PHACTR2: variants seen among roughly 807,000 people sequenced by gnomAD.
PHACTR2 encodes the protein phosphatase and actin regulator 2, also known as chromosome 6 open reading frame 56.
A neutral mutation model predicts 76.0 loss-of-function variants in PHACTR2; 30 were observed. The observed-to-expected ratio is 0.39, with a 90% CI of 0.30 to 0.54. The LOEUF (loss-of-function observed/expected upper bound fraction) is 0.54. Ranked by LOEUF, PHACTR2 falls within the 20% of genes least tolerant of loss-of-function variation. The pLI is 0.61. For missense variants in PHACTR2, 696 were observed against 781.1 expected (o/e 0.89, Z 1.30); for synonymous variants, 292 against 292.5 (o/e 1.00, Z 0.02).
intron 1 of PHACTR2, among the ~76,000 whole-genome samples, chr6:143,587,214 T>A (rs1295429708): frequency 6.6e-6 from 1 of 152,236 alleles, no homozygotes; most frequent in Non-Finnish European, 1.5e-5. Flanking sequence ...ATCAGAATCA[T>A]CTGAATCATC....
rs1028663666 is a variant in PHACTR2, at chr6:143,583,751, T to A, written c.217+46544T>A. Among the ~76,000 whole-genome samples the A allele has an allele frequency of 2.0e-5, 3 of 152,268 alleles. No homozygotes were observed. Among genetic ancestry groups the A allele is most frequent in the Non-Finnish European group, 4.4e-5 (3 of 68,042 alleles). Reference sequence around the variant, plus strand: ...GCTCACTACATGCTAGATGCCAGACTATCATTTGTTGATTGGTTGATTCAT... The same window carrying A: ...GCTCACTACATGCTAGATGCCAGACAATCATTTGTTGATTGGTTGATTCAT... On this transcript the variant is annotated intron_variant, in intron 1 of 11. Coordinates refer to the PHACTR2 transcript ENST00000367584. This position sits in a 1 kb window ranked among gnomAD's most constrained non-coding sequence, Gnocchi z 4.0.
intron 11 of PHACTR2, among the ~76,000 whole-genome samples, chr6:143,798,999 G>C (rs1775893313): frequency 6.6e-6 from 1 of 152,166 alleles, no homozygotes; most frequent in Admixed American, 6.5e-5. Context: ...GAATTTGGCT[G>C]TGAATCCGTC....
chr6:143,825,420 G>A lies in PHACTR2; in HGVS notation c.*1731G>A, dbSNP rs1776512406. 6.6e-6 allele frequency: 1 copy of A among 152,186 alleles called. No homozygotes were observed. Among genetic ancestry groups the A allele is most frequent in the African/African-American group, 2.4e-5 (1 of 41,444 alleles). The allele number at this position is 152,186 out of a possible 1,614,324, so 9.4% of individuals were successfully genotyped here. A position where few individuals can be genotyped will look rare whatever the true frequency, so the allele number is the denominator to read the frequency against. ...CAGGACCATGTTAGAATTAGGAAAA[G>A]TAACCAGCATTACTGCACCTCTTGT... is the stretch of plus-strand genomic sequence containing the variant. On this transcript the variant is annotated 3_prime_UTR_variant, in exon 13 of 13. Transcript: ENST00000440869. This position sits in a 1 kb window ranked among gnomAD's most constrained non-coding sequence, Gnocchi z 4.1.
At chr6:143,682,756 A>AC (rs1360735789) in intron 1 of PHACTR2, among the ~76,000 whole-genome samples, 1 of 113,408 alleles carries the variant, frequency 8.8e-6, no homozygotes, top group Non-Finnish European at 2.0e-5. Flanking sequence ...TCCTGATCTA[A>AC]CAAAAAAAGT....
At chr6:143,551,357 G>A (rs1414028671) in intron 1 of PHACTR2, among the ~76,000 whole-genome samples, 1 of 152,194 alleles carries the variant, frequency 6.6e-6, no homozygotes, top group East Asian at 1.9e-4. Context: ...AATGTAAGAA[G>A]TATGTGAATG....
chr6:143,603,249 G>A (rs193173608), upstream of PHACTR2, among the ~76,000 whole-genome samples: 251 of 151,560 alleles, frequency 1.7e-3, 1 homozygote, highest in Non-Finnish European at 2.4e-3. Context: ...ATTATTCGAT[G>A]ACACTTGTTC....
At position 143,819,926 on chromosome 6, in the gene PHACTR2, C is replaced by T. The variant is rs917379730; in HGVS notation, c.1923-3748C>T. The stretch of plus-strand genomic sequence containing the variant: ...TTGGCTCACAGTTCTGCAGGCTGTA[C>T]AGGAAGCATAGCAGCATCTGCTTCT... On this transcript the variant is annotated intron_variant, in intron 12 of 12. Transcript: ENST00000440869. This position sits in a 1 kb window ranked among gnomAD's most constrained non-coding sequence, Gnocchi z 5.0. Among the ~76,000 whole-genome samples, 2 of 152,122 alleles carry T rather than the reference C, an allele frequency of 1.3e-5. No homozygotes were observed. The highest frequency in any genetic ancestry group is 4.8e-5 in the African/African-American group (2 of 41,432).
intron 11 of PHACTR2, among the ~76,000 whole-genome samples, chr6:143,799,471 T>C (rs534440900): frequency 3.7e-4 from 56 of 152,372 alleles, no homozygotes; most frequent in African/African-American, 1.3e-3. Flanking sequence ...CTTTTAATTG[T>C]GATGTTAGGG....
rs1488596889 is a variant in PHACTR2, at chr6:143,709,213, T to G, written c.47-2803T>G. Among the ~76,000 whole-genome samples, 1 of 152,238 alleles carries G rather than the reference T, an allele frequency of 6.6e-6. No individual in the cohort carries two copies. Among genetic ancestry groups the G allele is most frequent in the African/African-American group, 2.4e-5 (1 of 41,466 alleles). ...TCCCCTGTATCTCTATCTGTTGTGCTATGGCTGAAAGTAGGGTTAGGAACC... is the reference window on the plus strand; with the variant it reads ...TCCCCTGTATCTCTATCTGTTGTGCGATGGCTGAAAGTAGGGTTAGGAACC... On this transcript the variant is annotated intron_variant, in intron 1 of 12. Transcript: ENST00000440869. The surrounding 1 kb of genome is among the most constrained non-coding windows in gnomAD (Gnocchi z 4.4).
At chr6:143,724,296 TAA>T (rs1778508362) in intron 2 of PHACTR2, among the ~76,000 whole-genome samples, 2 of 152,076 alleles carry the variant, frequency 1.3e-5, no homozygotes, top group Admixed American at 1.3e-4. Flanking sequence ...CACGCCTGGC[TAA>T]TTTTTTTGTA....
chr6:143,609,446 G>T (rs958442767), intron 1 of PHACTR2, among the ~76,000 whole-genome samples: 3 of 152,158 alleles, frequency 2.0e-5, no homozygotes, highest in African/African-American at 7.2e-5. Flanking sequence ...TGGAAGAAAT[G>T]AAACAAGTGT....
In PHACTR2 at chr6:143,539,227, T is replaced by C. The variant is rs1781150112; in HGVS notation, c.217+2020T>C. ...CTGAGGACTCTTTGTCTTTTCTGTG[T>C]CCTCTTAACGGATGCTAGGAAGTGA... is the stretch of plus-strand genomic sequence containing the variant. On this transcript the variant is annotated intron_variant, in intron 1 of 11. Transcript: ENST00000367584. The surrounding 1 kb of genome is among the most constrained non-coding windows in gnomAD (Gnocchi z 4.3). Among the ~76,000 whole-genome samples the C allele has an allele frequency of 6.6e-6, 1 of 152,268 alleles. No individual in the cohort carries two copies. Among genetic ancestry groups the C allele is most frequent in the Non-Finnish European group, 1.5e-5 (1 of 68,050 alleles).
upstream of PHACTR2, among the ~76,000 whole-genome samples, chr6:143,676,298 C>T (rs1158911109): frequency 6.6e-6 from 1 of 152,146 alleles, no homozygotes; most frequent in Non-Finnish European, 1.5e-5. The surrounding 1 kb of genome is among the most constrained non-coding windows in gnomAD (Gnocchi z 4.8). Context: ...AGTGCACCTC[C>T]TTGATCTTTG....
In PHACTR2 at chr6:143,818,643, A is replaced by C. The variant is rs1227676140; in HGVS notation, c.1923-5031A>C. On this transcript the variant is annotated intron_variant, in intron 12 of 12. Transcript: ENST00000440869. The surrounding 1 kb of genome is among the most constrained non-coding windows in gnomAD (Gnocchi z 4.9). Reference sequence around the variant, plus strand: ...CTGGGGAGGTCTCAGGAAACCTGCAATCCTGGCAGAAGGCACCTCTTCACA... The same window carrying C: ...CTGGGGAGGTCTCAGGAAACCTGCACTCCTGGCAGAAGGCACCTCTTCACA... Among the ~76,000 whole-genome samples, 1 of 152,176 alleles carries C rather than the reference A, an allele frequency of 6.6e-6. No individual in the cohort carries two copies. Among genetic ancestry groups the C allele is most frequent in the Non-Finnish European group, 1.5e-5 (1 of 68,040 alleles).
In PHACTR2 at chr6:143,543,064, A is replaced by G. The variant is rs1781186328; in HGVS notation, c.217+5857A>G. Among the ~76,000 whole-genome samples the G allele has an allele frequency of 1.3e-5, 2 of 152,222 alleles. No homozygotes were observed. The highest frequency in any genetic ancestry group is 4.1e-4 in the South Asian group (2 of 4,834). On this transcript the variant is annotated intron_variant, in intron 1 of 11. Coordinates refer to the PHACTR2 transcript ENST00000367584. The surrounding 1 kb of genome is among the most constrained non-coding windows in gnomAD (Gnocchi z 4.7). The stretch of plus-strand genomic sequence containing the variant: ...TGGAGTTAGACTGAAAGCAGAGAGG[A>G]TACTCAGAAAGGGTGTGGCAGGCCA...
chr6:143,598,600 G>A lies in PHACTR2; in HGVS notation c.217+61393G>A, dbSNP rs555770919. ...CAGAAGTGTGGGCCAGGGAGGGATC[G>A]CAGTCATCTGATGGCAAAGCACTTC... On this transcript the variant is annotated intron_variant, in intron 1 of 11. Transcript: ENST00000367584. The surrounding 1 kb of genome is among the most constrained non-coding windows in gnomAD (Gnocchi z 4.1). Among the ~76,000 whole-genome samples the A allele has an allele frequency of 2.1e-4, 32 of 152,286 alleles. No individual in the cohort carries two copies. The highest frequency in any genetic ancestry group is 5.8e-4 in the African/African-American group (24 of 41,566).
In PHACTR2 at chr6:143,777,289, T is replaced by A; in HGVS notation, c.1590-39T>A. On this transcript the variant is annotated intron_variant, in intron 8 of 12. Transcript: ENST00000440869. The surrounding 1 kb of genome is among the most constrained non-coding windows in gnomAD (Gnocchi z 4.6). ...ATTCTGAGTCTCCTACTAGGGTACC[T>A]TGTTTTTAACCTGTAATATATCCTT... The A allele has an allele frequency of 8.5e-7, 1 of 1,182,962 alleles. No individual in the cohort carries two copies. Among genetic ancestry groups the A allele is most frequent in the Non-Finnish European group, 1.2e-6 (1 of 807,054 alleles). The allele number at this position is 1,182,962 out of a possible 1,614,324, so 73.3% of individuals were successfully genotyped here.
chr6:143,681,672 A>G (rs1437184946), intron 1 of PHACTR2, among the ~76,000 whole-genome samples: 1 of 152,226 alleles, frequency 6.6e-6, no homozygotes, highest in Non-Finnish European at 1.5e-5. Context: ...AACCAAGGCA[A>G]GAAGACTTAC....
rs1464906813 is a variant in PHACTR2 at position 143,556,350 on chromosome 6, G to A, written c.217+19143G>A. Among the ~76,000 whole-genome samples, 1 of 152,250 alleles carries A rather than the reference G, an allele frequency of 6.6e-6. No homozygotes were observed. Among genetic ancestry groups the A allele is most frequent in the African/African-American group, 2.4e-5 (1 of 41,462 alleles). On this transcript the variant is annotated intron_variant, in intron 1 of 11. Transcript: ENST00000367584. This position sits in a 1 kb window ranked among gnomAD's most constrained non-coding sequence, Gnocchi z 4.3. ...GCCAGGCACAAGGCGTGGGCCAGGA[G>A]AGTGAATATCTGGTGGAGGGAGGTG...
Sources: allele counts gnomAD v4.1 joint callset (sites outside exome capture counted in the v4.1 genomes callset), GRCh38; gene constraint gnomAD v4.1.1; non-coding constraint Gnocchi (gnomAD v3.1); transcripts MANE v1.5; gene names NCBI Gene and HGNC (gene_info 2026-07-23, HGNC 2026-07-21).